The following LIMS1 variants were observed in gnomAD, a reference collection of about 807,000 sequenced individuals.
LIMS1 encodes LIM zinc finger domain containing 1.
In LIMS1, 18 loss-of-function variants were observed where a neutral mutation model predicts 44.1. That is an observed-to-expected ratio of 0.41 (90% confidence interval 0.28 to 0.61). LIMS1 has a LOEUF of 0.61. Among genes scored for constraint, LIMS1 ranks in the 20% least tolerant of loss-of-function variants. The pLI is 0.32. For synonymous variants in LIMS1, 93 were observed against 149.1 expected (o/e 0.62, Z 2.74); for missense variants, 201 against 422.0 (o/e 0.48, Z 4.59).
chr2:108,612,212 C>T (rs1687696576), intron 1 of LIMS1, among the ~76,000 whole-genome samples: 1 of 151,790 alleles, frequency 6.6e-6, no homozygotes. Flanking sequence ...TTAGAATCAC[C>T]TTCTTCACCA....
chr2:108,605,050 A>G (rs1687201611), intron 1 of LIMS1, among the ~76,000 whole-genome samples: 1 of 152,230 alleles, frequency 6.6e-6, no homozygotes, highest in South Asian at 2.1e-4. Flanking sequence ...CAGCTGAGGC[A>G]CAGGAATGTG....
chr2:108,552,032 G>A (rs1684759414), intron 1 of LIMS1, among the ~76,000 whole-genome samples: 1 of 145,378 alleles, frequency 6.9e-6, no homozygotes, highest in African/African-American at 2.5e-5. Flanking sequence ...CAGGATTTGT[G>A]AGAAGTACAG....
chr2:108,561,746 G>GGT (rs554998163), intron 1 of LIMS1, among the ~76,000 whole-genome samples: 1 of 134,128 alleles, frequency 7.5e-6, no homozygotes, highest in East Asian at 2.1e-4. Flanking sequence ...GTTTTTTTTT[G>GGT]TTTTTTTTTT....
chr2:108,578,587 ATT>A (rs575139291), intron 1 of LIMS1, among the ~76,000 whole-genome samples: 50 of 100,770 alleles, frequency 5.0e-4, no homozygotes, highest in African/African-American at 1.4e-3. Flanking sequence ...AATGTAAATA[ATT>A]TTTTTTTTTT....
At chr2:108,591,792 T>G (rs964338731) in intron 1 of LIMS1, among the ~76,000 whole-genome samples, 12 of 85,264 alleles carry the variant, frequency 1.4e-4, no homozygotes, top group Non-Finnish European at 2.4e-4. Context: ...GTTTTTAGTT[T>G]TTTTTTTTGT....
At chr2:108,554,722 G>A (rs1684863994) in intron 1 of LIMS1, among the ~76,000 whole-genome samples, 1 of 152,150 alleles carries the variant, frequency 6.6e-6, no homozygotes, top group Non-Finnish European at 1.5e-5. Context: ...CAACCAGCCT[G>A]ACAAAAGTAC....
intron 1 of LIMS1, among the ~76,000 whole-genome samples, chr2:108,595,572 T>C (rs1436911944): frequency 1.3e-5 from 2 of 152,232 alleles, no homozygotes; most frequent in Non-Finnish European, 2.9e-5. Context: ...TTGTTGCCTT[T>C]GTCCCACTTA....
chr2:108,635,429 T>TAAAAAAAAAAAAAAAAAAA (rs70956264), intron 1 of LIMS1, among the ~76,000 whole-genome samples: 3 of 86,698 alleles, frequency 3.5e-5, no homozygotes, highest in African/African-American at 1.5e-4. Flanking sequence ...ACTTCATCTC[T>TAAAAAAAAAAAAAAAAAAA]AAAAAAAAAA....
At chr2:108,643,898 T>G (rs901251165) in intron 1 of LIMS1, among the ~76,000 whole-genome samples, 1 of 152,172 alleles carries the variant, frequency 6.6e-6, no homozygotes, top group Admixed American at 6.5e-5. Context: ...ACAAAGCCAC[T>G]GGGAAATTCG....
chr2:108,547,059 G>A (rs1457765792), intron 1 of LIMS1, among the ~76,000 whole-genome samples: 6 of 152,206 alleles, frequency 3.9e-5, no homozygotes, highest in Non-Finnish European at 8.8e-5. Context: ...GTTGTGGTTT[G>A]AAGTTGTTTA....
intron 1 of LIMS1, among the ~76,000 whole-genome samples, chr2:108,575,533 G>A (rs1685640974): frequency 2.0e-5 from 3 of 152,114 alleles, no homozygotes; most frequent in African/African-American, 4.8e-5. Context: ...GAAATTTAAT[G>A]TGGAGGCCCT....
chr2:108,682,040 A>C (rs1051561095), intron 9 of LIMS1, among the ~76,000 whole-genome samples: 2 of 152,060 alleles, frequency 1.3e-5, no homozygotes, highest in Non-Finnish European at 2.9e-5. Flanking sequence ...ATGTCTTCAA[A>C]CTCTTTTTTT....
intron 2 of LIMS1, chr2:108,660,233 G>T (rs761590313): frequency 8.5e-6 from 4 of 471,526 alleles, no homozygotes; most frequent in East Asian, 6.9e-5. Context: ...AGCCAGGAGC[G>T]TCCATGCATT....
At chr2:108,576,796 G>C (rs551069361) in intron 1 of LIMS1, among the ~76,000 whole-genome samples, 52 of 152,272 alleles carry the variant, frequency 3.4e-4, no homozygotes, top group Middle Eastern at 3.4e-3. Context: ...TTATAATCTA[G>C]TAGGGAAGAG....
intron 1 of LIMS1, among the ~76,000 whole-genome samples, chr2:108,611,617 C>T (rs115930037): frequency 0.017 from 2,548 of 152,080 alleles, 41 homozygotes; most frequent in African/African-American, 0.035. Flanking sequence ...CAGTAGCTCA[C>T]GCCTGTAATC....
At chr2:108,649,381 T>C (rs915833292) in intron 1 of LIMS1, among the ~76,000 whole-genome samples, 5 of 152,130 alleles carry the variant, frequency 3.3e-5, no homozygotes. Context: ...TTGGTGGGAG[T>C]GTATATTAGT....
At chr2:108,552,585 GGTGTGT>G (rs151262934) in intron 1 of LIMS1, among the ~76,000 whole-genome samples, 32 of 101,872 alleles carry the variant, frequency 3.1e-4, no homozygotes, top group Admixed American at 8.8e-4. Flanking sequence ...ATATATTTTG[GGTGTGT>G]GTGTGTGTGT....
At chr2:108,542,602 G>A (rs919301175) in intron 1 of LIMS1, among the ~76,000 whole-genome samples, 2 of 152,188 alleles carry the variant, frequency 1.3e-5, no homozygotes. Context: ...TTCTTGGCAT[G>A]TCCAGACAAC....
chr2:108,683,798 T>C (rs1178380192), intron 9 of LIMS1, 87 bp from the exon 10 acceptor site: 1 of 642,820 alleles, frequency 1.6e-6, no homozygotes, highest in African/African-American at 1.9e-5. Flanking sequence ...CTTCGTTTAG[T>C]TCAGTACAAT....
Sources: gnomAD v4.1 joint callset for allele counts (sites outside exome capture counted in the v4.1 genomes callset) on GRCh38, gnomAD v4.1.1 for gene constraint, MANE v1.5 for transcripts, NCBI Gene and HGNC (gene_info 2026-07-23, HGNC 2026-07-21) for gene names.